The following HIKESHI variants were observed in gnomAD, a reference collection of about 807,000 sequenced individuals.
The protein encoded by HIKESHI is protein Hikeshi.
In HIKESHI, 13 loss-of-function variants were observed where a neutral mutation model predicts 25.7. The observed-to-expected ratio is 0.51, with a 90% confidence interval of 0.33 to 0.80. The LOEUF (loss-of-function observed/expected upper bound fraction) is 0.80. HIKESHI is among the 30% of genes least tolerant of loss of function. The pLI is 0.02. For synonymous variants in HIKESHI, 76 were observed against 78.7 expected, an observed-to-expected ratio of 0.97 and a Z score of 0.18; for missense variants, 174 against 229.5, an observed-to-expected ratio of 0.76 and a Z score of 1.56.
intron 2 of HIKESHI, among the ~76,000 whole-genome samples, chr11:86,318,889 A>G (rs957501278): frequency 2.6e-5 from 4 of 152,190 alleles, no homozygotes; most frequent in African/African-American, 4.8e-5. Flanking sequence ...AAAAAACTGT[A>G]ATACTGTTAT....
intron 2 of HIKESHI, among the ~76,000 whole-genome samples, chr11:86,315,858 A>G (rs1420860594): frequency 6.6e-6 from 1 of 152,092 alleles, no homozygotes; most frequent in Non-Finnish European, 1.5e-5. Context: ...ACAAGAATTA[A>G]TTACTGTTCT....
chr11:86,319,421 G>A (rs1311661275), intron 2 of HIKESHI, among the ~76,000 whole-genome samples: 1 of 141,550 alleles, frequency 7.1e-6, no homozygotes, highest in Non-Finnish European at 1.5e-5. Context: ...TTTTTTTTTT[G>A]TTGTTGTTTT....
In HIKESHI at chr11:86,308,022, A is replaced by T. The variant is rs1946707326; in HGVS notation, c.268+1540A>T. ...AATGTATATTATGTGTAATATACAT[A>T]TTATAAATATATAATTATATATAAA... On this transcript the variant is annotated intron_variant, in intron 2 of 4. Coordinates refer to ENST00000278483, the MANE Select transcript of HIKESHI (RefSeq NM_016401.4). Among the ~76,000 whole-genome samples, 3 of 123,926 alleles carry T rather than the reference A, an allele frequency of 2.4e-5. No homozygotes were observed. In the South Asian group the frequency reaches 7.1e-4, roughly 29 times the overall value. The allele number at this position is 123,926 out of a possible 152,430, so 81.3% of individuals were successfully genotyped here. A position where few individuals can be genotyped will look rare whatever the true frequency, so the allele number is the denominator to read the frequency against.
intron 2 of HIKESHI, among the ~76,000 whole-genome samples, chr11:86,319,126 G>T (rs957427480): frequency 1.3e-5 from 2 of 150,792 alleles, no homozygotes; most frequent in Admixed American, 1.3e-4. Flanking sequence ...TGCCCAGGCT[G>T]GTCTCAAATT....
intron 1 of HIKESHI, among the ~76,000 whole-genome samples, chr11:86,305,282 G>A (rs1413669779): frequency 6.6e-6 from 1 of 152,226 alleles, no homozygotes; most frequent in East Asian, 1.9e-4. Flanking sequence ...TTACAGGCAT[G>A]AGCCACTGTG....
chr11:86,307,133 C>G (rs1199980600), intron 2 of HIKESHI, among the ~76,000 whole-genome samples: 1 of 111,638 alleles, frequency 9.0e-6, no homozygotes, highest in African/African-American at 3.4e-5. Flanking sequence ...GTATAATATA[C>G]ATCATATATC....
At position 86,345,877 on chromosome 11, in the gene HIKESHI, G is replaced by A; in HGVS notation, c.*239G>A. On this transcript the variant is annotated 3_prime_UTR_variant, in exon 5 of 5. Transcript: ENST00000278483. Reference sequence around the variant, plus strand: ...ATACCATTCAAAGGCAAGACATTTTGTTTTGGCTATGATTCATTTTTTTTA... The same window carrying A: ...ATACCATTCAAAGGCAAGACATTTTATTTTGGCTATGATTCATTTTTTTTA... 1 of 276,470 alleles carries A rather than the reference G, an allele frequency of 3.6e-6. No individual in the cohort carries two copies. The highest frequency in any genetic ancestry group is 6.6e-6 in the Non-Finnish European group (1 of 150,388). 17.1% of individuals were successfully genotyped at this position (276,470 alleles called of 1,614,324 possible).
At chr11:86,315,613 C>G (rs1462396884) in intron 2 of HIKESHI, among the ~76,000 whole-genome samples, 1 of 152,078 alleles carries the variant, frequency 6.6e-6, no homozygotes, top group Non-Finnish European at 1.5e-5. Flanking sequence ...GCCACCATTC[C>G]CAGCCAGAAA....
intron 2 of HIKESHI, among the ~76,000 whole-genome samples, chr11:86,307,078 GTATCAAATATGTGTAA>G (rs1946647291): frequency 3.8e-5 from 1 of 25,988 alleles, no homozygotes; most frequent in South Asian, 1.8e-3. Context: ...TATACATCAT[GTATCAAATATGTGTAA>G]TATACATCAT....
Position 86,315,185 on chromosome 11 carries a change from T to G in HIKESHI, c.268+8703T>G, listed in dbSNP as rs185912752. Among the ~76,000 whole-genome samples the G allele has an allele frequency of 1.8e-3, 281 of 152,238 alleles. 2 individuals carry two copies. The highest frequency in any genetic ancestry group is 2.9e-3 in the Non-Finnish European group (194 of 68,008). On this transcript the variant is annotated intron_variant, in intron 2 of 4. Transcript: ENST00000278483. ...TAGTAAAATTACTGAACATTAAATA[T>G]AAAGTAATAAAGCAGCGAGAGAGAG...
chr11:86,312,450 G>T (rs1946859059), intron 2 of HIKESHI, among the ~76,000 whole-genome samples: 1 of 152,064 alleles, frequency 6.6e-6, no homozygotes, highest in Admixed American at 6.6e-5. Context: ...GAGCCTATGT[G>T]TGTCTGCACG....
rs147733341 is a variant in HIKESHI, at chr11:86,345,215, A to G, written c.540-369A>G. Reference sequence around the variant, plus strand: ...ATGCACTAGGTTTGAATTTTGGCATAATGTAGCTATGTGACCCTGAGCAAA... The same window carrying G: ...ATGCACTAGGTTTGAATTTTGGCATGATGTAGCTATGTGACCCTGAGCAAA... On this transcript the variant is annotated intron_variant, in intron 4 of 4. Transcript: ENST00000278483. 222 of 889,050 alleles carry G rather than the reference A, an allele frequency of 2.5e-4. No individual in the cohort carries two copies. The African/African-American group carries it at 2.6e-3, about 10-fold the overall frequency. The allele number at this position is 889,050 out of a possible 1,614,324, so 55.1% of individuals were successfully genotyped here. A position where few individuals can be genotyped will look rare whatever the true frequency, so the allele number is the denominator to read the frequency against.
chr11:86,311,138 C>T (rs570284259), intron 2 of HIKESHI, among the ~76,000 whole-genome samples: 95 of 152,258 alleles, frequency 6.2e-4, no homozygotes, highest in African/African-American at 2.2e-3. Flanking sequence ...TGGAGTGGTA[C>T]CAGCTATTCT....
chr11:86,316,999 A>G (rs888365900), intron 2 of HIKESHI, among the ~76,000 whole-genome samples: 3 of 151,686 alleles, frequency 2.0e-5, no homozygotes, highest in Admixed American at 6.6e-5. Context: ...CCACCTTGTT[A>G]GCCAGGATGG....
chr11:86,314,115 T>C (rs1305665120), intron 2 of HIKESHI, among the ~76,000 whole-genome samples: 3 of 152,210 alleles, frequency 2.0e-5, no homozygotes, highest in Admixed American at 6.5e-5. Flanking sequence ...ACTCAAATAT[T>C]TGCTTCGACT....
intron 2 of HIKESHI, among the ~76,000 whole-genome samples, chr11:86,328,927 T>TGTGC (rs1275344312): frequency 1.3e-4 from 18 of 133,640 alleles, no homozygotes; most frequent in African/African-American, 5.2e-4. Context: ...TGTGTGTGTG[T>TGTGC]GCGCGCACAC....
In HIKESHI at chr11:86,337,545, ATT is replaced by A; in HGVS notation, c.420+17_420+18del. The A allele has an allele frequency of 6.2e-7, 1 of 1,606,940 alleles. No homozygotes were observed. Among genetic ancestry groups the A allele is most frequent in the Non-Finnish European group, 8.5e-7 (1 of 1,177,106 alleles). On this transcript the variant is annotated intron_variant, in intron 3 of 4. Coordinates refer to ENST00000278483, the MANE Select transcript of HIKESHI (RefSeq NM_016401.4). ...CATTCACTCAGGTAATGCAACATAC[ATT>A]TCATTCTTTACCTCCCCCTCCACTG... is the stretch of plus-strand genomic sequence containing the variant.
At chr11:86,304,761 C>A (rs571888066) in intron 1 of HIKESHI, among the ~76,000 whole-genome samples, 2 of 152,270 alleles carry the variant, frequency 1.3e-5, no homozygotes, top group South Asian at 4.1e-4. Context: ...GGTGATCAAC[C>A]CGCCTTGGCC....
intron 1 of HIKESHI, among the ~76,000 whole-genome samples, chr11:86,303,818 A>AT (rs1375123923): frequency 2.6e-5 from 4 of 152,010 alleles, no homozygotes; most frequent in South Asian, 2.1e-4. Flanking sequence ...ATTTCTTAAG[A>AT]TTTTTTTTCT....
Sources: allele counts gnomAD v4.1 joint callset (sites outside exome capture counted in the v4.1 genomes callset), GRCh38; gene constraint gnomAD v4.1.1; transcripts MANE v1.5; gene names NCBI Gene and HGNC (gene_info 2026-07-23, HGNC 2026-07-21).